SGCZ: variants seen among roughly 807,000 people sequenced by gnomAD.
SGCZ encodes the protein sarcoglycan zeta.
Under a neutral mutation model 41.3 loss-of-function variants are expected in SGCZ, and 40 were observed. That is an observed-to-expected ratio of 0.97 (90% confidence interval 0.75 to 1.26). The LOEUF (loss-of-function observed/expected upper bound fraction) is 1.26. Among genes scored for constraint, SGCZ ranks in the 50% most tolerant of loss-of-function variants. The pLI is 0.00. For missense variants in SGCZ, 552 were observed against 369.8 expected (o/e 1.49, Z -4.04); for synonymous variants, 206 against 137.5 (o/e 1.50, Z -3.49).
At position 14,266,920 on chromosome 8, in the gene SGCZ, A is replaced by G. The variant is rs182672763; in HGVS notation, c.337-29241T>C. Among the ~76,000 whole-genome samples the G allele has an allele frequency of 5.9e-5, 9 of 152,242 alleles. No homozygotes were observed. The East Asian group carries it at 1.5e-3, about 26-fold the overall frequency. On this transcript the variant is annotated intron_variant, in intron 3 of 7. Coordinates refer to ENST00000382080, the MANE Select transcript of SGCZ (RefSeq NM_139167.4). The stretch of plus-strand genomic sequence containing the variant: ...AACTATTGCAAGACAAAATATGAAG[A>G]GCTAGAATGAATTTCTTTTACTAGC...
At chr8:14,733,724 G>A (rs1428304183) in intron 1 of SGCZ, among the ~76,000 whole-genome samples, 1 of 152,134 alleles carries the variant, frequency 6.6e-6, no homozygotes, top group Non-Finnish European at 1.5e-5. Flanking sequence ...AGGGAAAGAT[G>A]GGGAATTTAA....
In SGCZ at chr8:15,167,660, T is replaced by C. The variant is rs550163022; in HGVS notation, c.39+69925A>G. 1.1e-3 allele frequency among the ~76,000 whole-genome samples: 117 copies of C among 104,518 alleles called. No homozygotes were observed. The South Asian group carries it at 0.012, about 10-fold the overall frequency. 68.6% of individuals were successfully genotyped at this position (104,518 alleles called of 152,430 possible). A position where few individuals can be genotyped will look rare whatever the true frequency, so the allele number is the denominator to read the frequency against. ...GGCTATTTTGCAAACCACTCAGTCC[T>C]TTTTATAATTTGGGATGTTTAAAAA... On this transcript the variant is annotated intron_variant, in intron 1 of 7. Coordinates refer to ENST00000382080, the MANE Select transcript of SGCZ (RefSeq NM_139167.4).
intron 1 of SGCZ, among the ~76,000 whole-genome samples, chr8:14,840,592 G>A (rs1802868375): frequency 6.6e-6 from 1 of 152,044 alleles, no homozygotes; most frequent in Non-Finnish European, 1.5e-5. Context: ...CAATGTCAAA[G>A]AAACCAAGTC....
intron 1 of SGCZ, among the ~76,000 whole-genome samples, chr8:15,147,715 G>T (rs2117010960): frequency 6.6e-6 from 1 of 152,340 alleles, no homozygotes; most frequent in African/African-American, 2.4e-5. Context: ...GAGGAGGGGA[G>T]AAGGCCCAGG....
chr8:14,516,719 A>G lies in SGCZ; in HGVS notation c.234+38013T>C, dbSNP rs189259031. Among the ~76,000 whole-genome samples the G allele has an allele frequency of 3.9e-5, 6 of 152,200 alleles. No homozygotes were observed. The East Asian group carries it at 1.2e-3, about 29-fold the overall frequency. On this transcript the variant is annotated intron_variant, in intron 2 of 7. Coordinates refer to ENST00000382080, the MANE Select transcript of SGCZ (RefSeq NM_139167.4). ...TGAGTTTTTCTTGTTCACCGTTGAC[A>G]TGCGTCTTTCATCATTAGCTGCTAT... is the stretch of plus-strand genomic sequence containing the variant.
chr8:14,256,097 T>C (rs1229356739), intron 3 of SGCZ, among the ~76,000 whole-genome samples: 2 of 152,150 alleles, frequency 1.3e-5, no homozygotes, highest in African/African-American at 2.4e-5. Context: ...TTAATAGATA[T>C]ATTTTAGGAA....
chr8:15,237,473 C>A lies in SGCZ; in HGVS notation c.39+112G>T, dbSNP rs1217234042. On this transcript the variant is annotated intron_variant, in intron 1 of 7. Transcript: ENST00000382080. The stretch of plus-strand genomic sequence containing the variant: ...GCGCGTCCCCCCAACGCCCCCTCGT[C>A]GTCCCGCGGGACCACCAACTACTCC... 26 of 1,306,676 alleles carry A rather than the reference C, an allele frequency of 2.0e-5. 1 individual carries two copies. In the South Asian group the frequency reaches 3.1e-4, roughly 16 times the overall value. The allele number at this position is 1,306,676 out of a possible 1,614,324, so 80.9% of individuals were successfully genotyped here. A position where few individuals can be genotyped will look rare whatever the true frequency, so the allele number is the denominator to read the frequency against.
chr8:14,356,216 T>C (rs182011002), intron 2 of SGCZ, among the ~76,000 whole-genome samples: 36 of 152,298 alleles, frequency 2.4e-4, no homozygotes, highest in African/African-American at 7.5e-4. Context: ...GTTCGGTAGA[T>C]TAGGTGCATA....
intron 2 of SGCZ, among the ~76,000 whole-genome samples, chr8:14,376,651 G>C (rs1275239345): frequency 6.6e-6 from 1 of 152,024 alleles, no homozygotes; most frequent in African/African-American, 2.4e-5. Flanking sequence ...CTAAAAAAAA[G>C]GAGAGAAAAT....
chr8:14,545,127 A>G, intron 2 of SGCZ, among the ~76,000 whole-genome samples: 1 of 152,084 alleles, frequency 6.6e-6, no homozygotes, highest in Admixed American at 6.6e-5. Context: ...ACACTTATGG[A>G]AAATAGAAAG....
chr8:14,332,950 T>C (rs1391920169), intron 2 of SGCZ, among the ~76,000 whole-genome samples: 1 of 150,744 alleles, frequency 6.6e-6, no homozygotes, highest in Non-Finnish European at 1.5e-5. Context: ...TGTGTATATA[T>C]ATAAAATGTT....
intron 1 of SGCZ, among the ~76,000 whole-genome samples, chr8:14,763,244 G>A (rs1799944345): frequency 6.6e-6 from 1 of 152,004 alleles, no homozygotes; most frequent in Non-Finnish European, 1.5e-5. Flanking sequence ...TTATATTATT[G>A]CAAGCTTGTG....
chr8:15,034,240 C>A (rs1803790280), intron 1 of SGCZ, among the ~76,000 whole-genome samples: 1 of 151,566 alleles, frequency 6.6e-6, no homozygotes, highest in Non-Finnish European at 1.5e-5. Flanking sequence ...TAATAAGTGG[C>A]CAAAATAATA....
intron 5 of SGCZ, among the ~76,000 whole-genome samples, chr8:14,126,938 T>A (rs10106930): frequency 1.3e-5 from 2 of 151,040 alleles, no homozygotes; most frequent in Non-Finnish European, 3.0e-5. Flanking sequence ...TGAGAACACA[T>A]GGACACAGGG....
intron 1 of SGCZ, among the ~76,000 whole-genome samples, chr8:14,703,606 A>C (rs1809240187): frequency 6.6e-6 from 1 of 152,026 alleles, no homozygotes; most frequent in Non-Finnish European, 1.5e-5. Flanking sequence ...ATATATGTTG[A>C]ATAAGCAAAT....
chr8:14,222,683 G>A (rs1379768039), intron 4 of SGCZ, among the ~76,000 whole-genome samples: 1 of 148,350 alleles, frequency 6.7e-6, no homozygotes, highest in African/African-American at 2.5e-5. Flanking sequence ...ACAATTTACT[G>A]TTTTATTGTA....
At chr8:14,214,238 A>C (rs1805915097) in intron 4 of SGCZ, among the ~76,000 whole-genome samples, 1 of 152,184 alleles carries the variant, frequency 6.6e-6, no homozygotes, top group African/African-American at 2.4e-5. Flanking sequence ...GGCAGTCTAC[A>C]AAACACAAAC....
chr8:14,826,102 G>A (rs1802300899), intron 1 of SGCZ, among the ~76,000 whole-genome samples: 2 of 101,106 alleles, frequency 2.0e-5, no homozygotes, highest in Non-Finnish European at 3.7e-5. Flanking sequence ...CCCCACCTAT[G>A]TCCCCAAAGT....
At chr8:14,219,982 G>A (rs1338343121) in intron 4 of SGCZ, among the ~76,000 whole-genome samples, 1 of 152,184 alleles carries the variant, frequency 6.6e-6, no homozygotes, top group Admixed American at 6.5e-5. Flanking sequence ...TGACAAAAAT[G>A]TGTTGATTGT....
Sources: gnomAD v4.1 joint callset for allele counts (sites outside exome capture counted in the v4.1 genomes callset) on GRCh38, gnomAD v4.1.1 for gene constraint, MANE v1.5 for transcripts, NCBI Gene and HGNC (gene_info 2026-07-23, HGNC 2026-07-21) for gene names.